The following DOCK8 variants were observed in gnomAD, a reference collection of about 807,000 sequenced individuals.
The protein encoded by DOCK8 is dedicator of cytokinesis protein 8.
In DOCK8, 141 loss-of-function variants were observed where a neutral mutation model predicts 245.6. The ratio of observed to expected loss-of-function variants is 0.57; its 90% confidence interval spans 0.50 to 0.66. The LOEUF (loss-of-function observed/expected upper bound fraction) is 0.66. DOCK8 is among the 30% of genes least tolerant of loss of function. The probability of loss-of-function intolerance (pLI) is 0.00; values close to 1 mark genes in which losing one functional copy is unlikely to be tolerated. For missense variants in DOCK8, 2,965 were observed against 2,603.4 expected (o/e 1.14, Z -3.02); for synonymous variants, 1,168 against 970.2 (o/e 1.20, Z -3.79).
chr9:239,340 A>C (rs2047330994), intron 1 of DOCK8, among the ~76,000 whole-genome samples: 1 of 152,234 alleles, frequency 6.6e-6, no homozygotes, highest in Admixed American at 6.5e-5. Context: ...ACTGAAAGAT[A>C]TGGTAGATAC....
chr9:284,678 A>T (rs536293196), intron 2 of DOCK8: 100 of 152,338 alleles, frequency 6.6e-4, no homozygotes, highest in African/African-American at 2.3e-3. Context: ...AATAGCAAAG[A>T]CATGGAATCA....
At chr9:398,903 T>C (rs1277449699) in intron 25 of DOCK8, among the ~76,000 whole-genome samples, 1 of 151,720 alleles carries the variant, frequency 6.6e-6, no homozygotes, top group East Asian at 1.9e-4. Context: ...TAAATATGCA[T>C]GTAGAAAAAA....
At chr9:456,574 T>A (rs2057649335) in intron 46 of DOCK8, 1 of 152,218 alleles carries the variant, frequency 6.6e-6, no homozygotes, top group Non-Finnish European at 1.5e-5. Flanking sequence ...CTGACTCAGC[T>A]GTAGTGGAAG....
At chr9:250,284 A>T (rs1039259137) in intron 1 of DOCK8, among the ~76,000 whole-genome samples, 8 of 152,302 alleles carry the variant, frequency 5.3e-5, no homozygotes, top group East Asian at 3.9e-4. Flanking sequence ...GCTTTGTAGA[A>T]ATTCCTTTCT....
At chr9:243,318 A>C (rs2047421900) in intron 1 of DOCK8, among the ~76,000 whole-genome samples, 1 of 152,144 alleles carries the variant, frequency 6.6e-6, no homozygotes, top group African/African-American at 2.4e-5. Context: ...TCTGACCCTG[A>C]GTGCTACTGA....
chr9:354,224 C>T (rs935270156), intron 14 of DOCK8, among the ~76,000 whole-genome samples: 6 of 151,952 alleles, frequency 3.9e-5, no homozygotes, highest in African/African-American at 1.5e-4. Flanking sequence ...CCCAGCTACT[C>T]GGGAGGCTGA....
chr9:370,263 C>G lies in DOCK8; in HGVS notation c.1831C>G (p.Leu611Val), dbSNP rs373128465. The change falls in exon 16 of 48, where the codon CTG becomes GTG. Residue 611 changes from leucine (L) to valine (V), a missense_variant. Around this residue, in one of 3 missense-constraint regions of DOCK8, gnomAD observed 2,825 missense variants for 2,453.5 expected, o/e 1.15. Transcript: ENST00000432829. ...TGGAAAATCCAGCGGGCCTGAATTT[C>G]TGCAGGAAGTGTACACAGCTGTTAC... The part of the protein sequence containing the change: ...IFGKSSGPEF[L>V]QEVYTAVTYH... 6.2e-7 allele frequency: 1 copy of G among 1,614,108 alleles called. No homozygotes were observed. The highest frequency in any genetic ancestry group is 1.3e-5 in the African/African-American group (1 of 75,054).
intron 1 of DOCK8, among the ~76,000 whole-genome samples, chr9:234,873 G>T (rs576466599): frequency 4.6e-5 from 7 of 151,662 alleles, no homozygotes; most frequent in African/African-American, 1.2e-4. Context: ...TAGTTTGATC[G>T]TCTGAAGCCT....
intron 13 of DOCK8, among the ~76,000 whole-genome samples, 165 bp from the exon 14 acceptor site, chr9:339,994 T>C (rs915782188): frequency 2.0e-5 from 3 of 152,254 alleles, no homozygotes; most frequent in Admixed American, 6.5e-5. Flanking sequence ...TCGAAAGTTA[T>C]CATGACACAC....
intron 20 of DOCK8, among the ~76,000 whole-genome samples, chr9:378,667 C>G (rs2053615249): frequency 6.6e-6 from 1 of 152,204 alleles, no homozygotes; most frequent in African/African-American, 2.4e-5. Context: ...ACTTGTTCAC[C>G]AGACAAAAAT....
At position 251,922 on chromosome 9, in the gene DOCK8, A is replaced by AAACTACTT. The variant is rs889749495; in HGVS notation, c.54-19701_54-19694dup. On this transcript the variant is annotated intron_variant, in intron 1 of 47. Coordinates refer to ENST00000432829, the MANE Select transcript of DOCK8 (RefSeq NM_203447.4). ...TACACCAAAAAGTAAGAAGAATGGG[A>AAACTACTT]AACTACTTAACCAGCACATGGGGTG... Among the ~76,000 whole-genome samples the AAACTACTT allele has an allele frequency of 1.2e-4, 19 of 152,102 alleles. 1 individual carries two copies. The highest frequency in any genetic ancestry group is 3.9e-4 in the Admixed American group (6 of 15,262).
chr9:222,108 A>G (rs1276625690), intron 1 of DOCK8, among the ~76,000 whole-genome samples: 1 of 151,834 alleles, frequency 6.6e-6, no homozygotes, highest in South Asian at 2.1e-4. Flanking sequence ...AAAAGCAAAC[A>G]AAACATTAGG....
intron 14 of DOCK8, among the ~76,000 whole-genome samples, chr9:352,645 G>A (rs376912214): frequency 6.6e-6 from 1 of 151,552 alleles, no homozygotes; most frequent in African/African-American, 2.4e-5. Context: ...TGGGAGGCTG[G>A]GGCAGGAGAA....
intron 26 of DOCK8, among the ~76,000 whole-genome samples, chr9:400,731 CCACCACCACCAGCATCTTCACCAT>C (rs2054928687): frequency 1.1e-5 from 1 of 89,068 alleles, no homozygotes; most frequent in Non-Finnish European, 2.0e-5. Context: ...ACCACCACCT[CCACCACCACCAGCATCTTCACCAT>C]CACCACCACC....
chr9:425,088 T>G (rs1306535545), intron 33 of DOCK8, among the ~76,000 whole-genome samples: 7 of 152,262 alleles, frequency 4.6e-5, no homozygotes, highest in African/African-American at 1.7e-4. Context: ...TCTTTTAGGA[T>G]AAACAAAATA....
At chr9:287,471 G>A (rs936777669) in intron 3 of DOCK8, among the ~76,000 whole-genome samples, 5 of 152,162 alleles carry the variant, frequency 3.3e-5, no homozygotes, top group African/African-American at 9.7e-5. Context: ...ATCTTCCCCA[G>A]AAGGTCCCAG....
At chr9:444,855 T>A (rs2057202600) in intron 43 of DOCK8, among the ~76,000 whole-genome samples, 1 of 152,212 alleles carries the variant, frequency 6.6e-6, no homozygotes, top group South Asian at 2.1e-4. Flanking sequence ...CCAACTCACA[T>A]GTCCATGAAT....
At chr9:222,543 TA>T (rs1482712790) in intron 1 of DOCK8, among the ~76,000 whole-genome samples, 1 of 152,190 alleles carries the variant, frequency 6.6e-6, no homozygotes, top group Non-Finnish European at 1.5e-5. Context: ...ATCATTCTTT[TA>T]AATCTTTATT....
rs748723699 is a variant in DOCK8 at position 317,006 on chromosome 9, T to G, written c.742-37T>G. 5.3e-6 allele frequency: 8 copies of G among 1,521,214 alleles called. No homozygotes were observed. In the Admixed American group the frequency reaches 1.2e-4, roughly 22 times the overall value. 94.2% of individuals were successfully genotyped at this position (1,521,214 alleles called of 1,614,324 possible). A position where few individuals can be genotyped will look rare whatever the true frequency, so the allele number is the denominator to read the frequency against. ...ACTCTAATTGGAGCTCCCCACAGAATTCACTAATGATTTCCTTACGATGTG... is the reference window on the plus strand; with the variant it reads ...ACTCTAATTGGAGCTCCCCACAGAAGTCACTAATGATTTCCTTACGATGTG... On this transcript the variant is annotated intron_variant, in intron 6 of 47. Coordinates refer to ENST00000432829, the MANE Select transcript of DOCK8 (RefSeq NM_203447.4).
Sources: allele counts gnomAD v4.1 joint callset (sites outside exome capture counted in the v4.1 genomes callset), GRCh38; gene constraint gnomAD v4.1.1; regional missense constraint gnomAD v4.1.1; transcripts MANE v1.5; gene names NCBI Gene and HGNC (gene_info 2026-07-23, HGNC 2026-07-21).